The following NDST4 variants were observed in gnomAD, a reference collection of about 807,000 sequenced individuals.
NDST4 encodes N-deacetylase and N-sulfotransferase 4.
In NDST4, 63 loss-of-function variants were observed where a neutral mutation model predicts 100.8. The observed-to-expected ratio is 0.62, with a 90% CI of 0.51 to 0.77. The LOEUF is 0.77. Ranked by LOEUF, NDST4 falls within the 30% of genes least tolerant of loss-of-function variation. The probability of loss-of-function intolerance (pLI) is 0.00; values close to 1 mark genes in which losing one functional copy is unlikely to be tolerated. For synonymous variants in NDST4, 377 were observed against 361.8 expected, an observed-to-expected ratio of 1.04 and a Z score of -0.48; for missense variants, 943 against 1,018.4, an observed-to-expected ratio of 0.93 and a Z score of 1.01.
chr4:115,105,944 T>C (rs1458364340), intron 1 of NDST4, among the ~76,000 whole-genome samples: 2 of 152,160 alleles, frequency 1.3e-5, no homozygotes, highest in East Asian at 1.9e-4. Context: ...TATAGCATAG[T>C]TGCCAGATGT....
chr4:114,848,168 T>C (rs1222468794), intron 9 of NDST4, 47 bp downstream of exon 9: 6 of 1,512,910 alleles, frequency 4.0e-6, no homozygotes, highest in Middle Eastern at 3.8e-4. Context: ...TCTGCAGTGA[T>C]TGAGCATGTG....
At chr4:114,981,699 T>G (rs1008694117) in intron 2 of NDST4, among the ~76,000 whole-genome samples, 4 of 152,220 alleles carry the variant, frequency 2.6e-5, no homozygotes, top group Non-Finnish European at 4.4e-5. Context: ...GTTAGTATAC[T>G]ATTTATATTA....
At chr4:115,050,439 T>C (rs517079) in intron 2 of NDST4, among the ~76,000 whole-genome samples, 40,226 of 151,690 alleles carry the variant, frequency 0.27, 7,755 homozygotes, top group African/African-American at 0.52. Flanking sequence ...GACACATACA[T>C]ACACTGCTGT....
chr4:114,839,811 T>A (rs1171596976), intron 10 of NDST4, among the ~76,000 whole-genome samples: 1 of 152,198 alleles, frequency 6.6e-6, no homozygotes, highest in South Asian at 2.1e-4. Flanking sequence ...AGTACAAGCC[T>A]TCACTATATA....
At chr4:114,964,644 T>G in intron 4 of NDST4, among the ~76,000 whole-genome samples, 1 of 152,162 alleles carries the variant, frequency 6.6e-6, no homozygotes. Context: ...TTCTGACAAA[T>G]TTTTAAGTAC....
intron 2 of NDST4, among the ~76,000 whole-genome samples, chr4:115,042,629 T>C (rs1728375590): frequency 6.6e-6 from 1 of 152,056 alleles, no homozygotes; most frequent in Non-Finnish European, 1.5e-5. Context: ...TATGTGTGTA[T>C]AGGAAAAAGT....
In NDST4 at chr4:114,937,316, A is replaced by C; in HGVS notation, c.1407+2T>G. 6.2e-7 allele frequency: 1 copy of C among 1,613,960 alleles called. No homozygotes were observed. Among genetic ancestry groups the C allele is most frequent in the Non-Finnish European group, 8.5e-7 (1 of 1,179,814 alleles). On this transcript the variant is annotated splice_donor_variant, in intron 5 of 13. Coordinates refer to ENST00000264363, the MANE Select transcript of NDST4 (RefSeq NM_022569.3). LOFTEE classifies it high-confidence loss of function. ...TCAATATACATGGCTCTCTGTGCTC[A>C]CCATGATGCTATTGTGAATGAAGCC...
chr4:114,951,920 G>A (rs17583766), intron 4 of NDST4, among the ~76,000 whole-genome samples: 4,168 of 152,202 alleles, frequency 0.027, 97 homozygotes, highest in South Asian at 0.049. Flanking sequence ...TTCTGAATAA[G>A]TGAAATAATA....
chr4:114,973,311 A>G (rs1726555855), intron 3 of NDST4, among the ~76,000 whole-genome samples: 1 of 151,844 alleles, frequency 6.6e-6, no homozygotes, highest in Non-Finnish European at 1.5e-5. Context: ...TGGAAATATC[A>G]TTTGCAGTTT....
intron 4 of NDST4, among the ~76,000 whole-genome samples, chr4:114,952,678 G>C (rs532797079): frequency 6.6e-6 from 1 of 152,206 alleles, no homozygotes; most frequent in South Asian, 2.1e-4. Flanking sequence ...GAGAACCTTG[G>C]AGACTGCTAG....
chr4:114,848,918 G>C (rs1346415120), intron 8 of NDST4, among the ~76,000 whole-genome samples: 1 of 152,196 alleles, frequency 6.6e-6, no homozygotes, highest in Non-Finnish European at 1.5e-5. Context: ...GCCATAATGA[G>C]AGAAGACCAG....
intron 4 of NDST4, among the ~76,000 whole-genome samples, chr4:114,945,252 G>C (rs914608865): frequency 1.4e-5 from 2 of 147,938 alleles, no homozygotes; most frequent in African/African-American, 5.0e-5. Context: ...GAGGTGCAGA[G>C]GATTTGGCTC....
intron 2 of NDST4, among the ~76,000 whole-genome samples, chr4:115,003,847 G>A (rs991720533): frequency 2.3e-4 from 35 of 151,524 alleles, no homozygotes; most frequent in East Asian, 3.9e-4. Flanking sequence ...CAGCCCAGGC[G>A]ACAGTGTAAG....
rs1057187238 is a variant in NDST4, at chr4:114,937,212, C to T, written c.1407+106G>A. The stretch of plus-strand genomic sequence containing the variant: ...AGATATGTTAGGTATTTCTGATAAT[C>T]ATGTAAAAGAGGTTCGAGGTTACAT... On this transcript the variant is annotated intron_variant, in intron 5 of 13. Coordinates refer to ENST00000264363, the MANE Select transcript of NDST4 (RefSeq NM_022569.3). 5.4e-6 allele frequency: 6 copies of T among 1,121,328 alleles called. No individual in the cohort carries two copies. In the African/African-American group the frequency reaches 7.7e-5, roughly 14 times the overall value. The allele number at this position is 1,121,328 out of a possible 1,614,324, so 69.5% of individuals were successfully genotyped here.
At position 115,082,280 on chromosome 4, in the gene NDST4, A is replaced by T. The variant is rs115900724; in HGVS notation, c.-246-4998T>A. ...TATTGTTTTATATATCTGTTATAAG[A>T]TTGCCTTTTGACATTTTCAAAATGT... On this transcript the variant is annotated intron_variant, in intron 1 of 13. Transcript: ENST00000264363. Among the ~76,000 whole-genome samples, 539 of 152,316 alleles carry T rather than the reference A, an allele frequency of 3.5e-3. 3 individuals carry two copies. The highest frequency in any genetic ancestry group is 0.012 in the African/African-American group (509 of 41,590).
At chr4:114,980,969 T>C (rs1324234545) in intron 2 of NDST4, among the ~76,000 whole-genome samples, 2 of 151,924 alleles carry the variant, frequency 1.3e-5, no homozygotes, top group African/African-American at 4.8e-5. Flanking sequence ...TACTAGCACT[T>C]TGGGAAGCTG....
intron 6 of NDST4, among the ~76,000 whole-genome samples, chr4:114,877,671 G>A (rs1406288735): frequency 2.0e-5 from 3 of 152,260 alleles, no homozygotes; most frequent in African/African-American, 4.8e-5. Context: ...GAAATAGGCC[G>A]GGCGCAATGG....
intron 10 of NDST4, among the ~76,000 whole-genome samples, chr4:114,843,240 G>T (rs1247489164): frequency 6.6e-6 from 1 of 152,174 alleles, no homozygotes; most frequent in Non-Finnish European, 1.5e-5. Context: ...ACAGCTAGAA[G>T]AATCTCAACA....
chr4:115,110,951 A>T (rs1244463276), intron 1 of NDST4, among the ~76,000 whole-genome samples: 1 of 152,034 alleles, frequency 6.6e-6, no homozygotes, highest in Non-Finnish European at 1.5e-5. Flanking sequence ...GCTTCCAGCC[A>T]GGGCTGATAT....
Sources: allele counts gnomAD v4.1 joint callset (sites outside exome capture counted in the v4.1 genomes callset), GRCh38; gene constraint gnomAD v4.1.1; transcripts MANE v1.5; gene names NCBI Gene and HGNC (gene_info 2026-07-23, HGNC 2026-07-21).